Variants in IQCM observed in about 807,000 individuals in gnomAD.
IQCM encodes IQ motif containing M.
IQCM carries 45 observed loss-of-function variants against 57.6 expected under a neutral mutation model. The ratio of observed to expected loss-of-function variants is 0.78; its 90% confidence interval spans 0.62 to 1.00. IQCM has a LOEUF of 1.00. Ranked by LOEUF, IQCM falls within the 50% of genes least tolerant of loss-of-function variation. The probability of loss-of-function intolerance (pLI) is 0.00; values close to 1 mark genes in which losing one functional copy is unlikely to be tolerated. For missense variants in IQCM, 468 were observed against 511.6 expected, an observed-to-expected ratio of 0.91 and a Z score of 0.82; for synonymous variants, 148 against 158.9, an observed-to-expected ratio of 0.93 and a Z score of 0.51.
intron 12 of IQCM, among the ~76,000 whole-genome samples, chr4:149,491,787 G>A (rs1014911322): frequency 6.6e-6 from 1 of 151,962 alleles, no homozygotes; most frequent in Admixed American, 6.6e-5. Context: ...TGAGATTGCT[G>A]GATCATATGG....
chr4:149,534,414 T>C (rs1560960490), intron 12 of IQCM, among the ~76,000 whole-genome samples: 1 of 152,148 alleles, frequency 6.6e-6, no homozygotes, highest in South Asian at 2.1e-4. Flanking sequence ...GCACATGCTA[T>C]GCAAATACGC....
At chr4:149,749,781 T>A (rs1157426092) in intron 2 of IQCM, among the ~76,000 whole-genome samples, 1 of 152,162 alleles carries the variant, frequency 6.6e-6, no homozygotes, top group East Asian at 1.9e-4. Flanking sequence ...ACTACCCTAG[T>A]CATTACAGGT....
At chr4:149,374,348 A>AAACTGC (rs1277071193) in intron 13 of IQCM, among the ~76,000 whole-genome samples, 1 of 152,116 alleles carries the variant, frequency 6.6e-6, no homozygotes, top group African/African-American at 2.4e-5. Context: ...TTCATTGTTT[A>AAACTGC]AACTGCATTA....
chr4:149,567,987 G>A (rs76017578), intron 9 of IQCM, among the ~76,000 whole-genome samples: 2,270 of 152,182 alleles, frequency 0.015, 54 homozygotes, highest in African/African-American at 0.051. Flanking sequence ...ATTTTTAGCC[G>A]TTTAGAGTCT....
At chr4:149,374,754 C>T (rs1447880872) in intron 13 of IQCM, among the ~76,000 whole-genome samples, 2 of 152,108 alleles carry the variant, frequency 1.3e-5, no homozygotes, top group African/African-American at 4.8e-5. Context: ...CTCCTGCCAA[C>T]CTTGACCTTC....
intron 5 of IQCM, among the ~76,000 whole-genome samples, chr4:149,726,809 C>CT (rs1429765448): frequency 4.0e-5 from 6 of 151,066 alleles, no homozygotes; most frequent in Admixed American, 6.6e-5. Flanking sequence ...TACTATATAT[C>CT]TTTTTTTTTC....
chr4:149,690,410 T>C (rs565148040), intron 5 of IQCM, among the ~76,000 whole-genome samples: 145 of 150,374 alleles, frequency 9.6e-4, no homozygotes, highest in Non-Finnish European at 1.6e-3. Flanking sequence ...CAATGGACTT[T>C]GGGGACTTGG....
chr4:149,733,370 T>C lies in IQCM; in HGVS notation c.259A>G (p.Ile87Val). 1 of 1,231,828 alleles carries C rather than the reference T, an allele frequency of 8.1e-7. No individual in the cohort carries two copies. Among genetic ancestry groups the C allele is most frequent in the East Asian group, 3.2e-5 (1 of 31,678 alleles). The allele number at this position is 1,231,828 out of a possible 1,614,324, so 76.3% of individuals were successfully genotyped here. A position where few individuals can be genotyped will look rare whatever the true frequency, so the allele number is the denominator to read the frequency against. ...TTGGAAAGCTCCTTGGGAAAGCAAATCCTTCTGAGTGCGGCCCGATGTTCT... is the reference window on the plus strand; with the variant it reads ...TTGGAAAGCTCCTTGGGAAAGCAAACCCTTCTGAGTGCGGCCCGATGTTCT... ...VQEHRAALRRICFPKELSKSE... is the reference protein window; with the variant it reads ...VQEHRAALRRVCFPKELSKSE... Residue 87 changes from isoleucine (I) to valine (V), a missense_variant, in exon 5 of 14, where the codon ATT becomes GTT. Transcript: ENST00000636793.
At chr4:149,789,560 C>T (rs568943516) in intron 2 of IQCM, among the ~76,000 whole-genome samples, 56 of 152,298 alleles carry the variant, frequency 3.7e-4, no homozygotes, top group African/African-American at 1.3e-3. Context: ...TGGCTCATGT[C>T]TGTCATCCAA....
intron 7 of IQCM, among the ~76,000 whole-genome samples, chr4:149,659,476 A>T (rs1561118656): frequency 1.3e-5 from 2 of 152,178 alleles, no homozygotes; most frequent in Non-Finnish European, 2.9e-5. Context: ...ATTGGAAAAA[A>T]CTACTTTAAG....
At chr4:149,655,928 A>G (rs570123821) in intron 7 of IQCM, among the ~76,000 whole-genome samples, 1 of 152,268 alleles carries the variant, frequency 6.6e-6, no homozygotes, top group African/African-American at 2.4e-5. Context: ...AAATATTCCA[A>G]TTTTATCATC....
chr4:149,468,525 C>T (rs981049935), intron 12 of IQCM, among the ~76,000 whole-genome samples: 1 of 152,198 alleles, frequency 6.6e-6, no homozygotes, highest in Non-Finnish European at 1.5e-5. Flanking sequence ...GGCCTGCATG[C>T]CTCCGTAGAC....
chr4:149,687,544 A>C (rs1326837007), intron 5 of IQCM, among the ~76,000 whole-genome samples: 1 of 151,756 alleles, frequency 6.6e-6, no homozygotes, highest in African/African-American at 2.4e-5. Flanking sequence ...AATTGATGCC[A>C]ATCATTCTGA....
chr4:149,527,124 G>A (rs1056992721), intron 12 of IQCM, among the ~76,000 whole-genome samples: 8 of 152,190 alleles, frequency 5.3e-5, no homozygotes, highest in South Asian at 2.1e-4. Context: ...CATGATTATC[G>A]TTCCCATAAA....
At chr4:149,372,170 A>G (rs1328349602) in intron 13 of IQCM, among the ~76,000 whole-genome samples, 1 of 152,194 alleles carries the variant, frequency 6.6e-6, no homozygotes, top group Non-Finnish European at 1.5e-5. Context: ...TTGACAATCA[A>G]GCCAAGCTTG....
intron 12 of IQCM, among the ~76,000 whole-genome samples, chr4:149,505,901 G>T (rs546534954): frequency 6.6e-6 from 1 of 152,166 alleles, no homozygotes; most frequent in Admixed American, 6.5e-5. Flanking sequence ...GCCTGAAGCC[G>T]TAAGCAGAAG....
intron 7 of IQCM, among the ~76,000 whole-genome samples, chr4:149,622,509 A>T (rs934786418): frequency 1.3e-5 from 2 of 152,106 alleles, no homozygotes; most frequent in African/African-American, 4.8e-5. Flanking sequence ...CGCCCGGCTA[A>T]TTTTTTGTAT....
intron 10 of IQCM, among the ~76,000 whole-genome samples, chr4:149,557,713 G>A (rs1749724468): frequency 6.6e-6 from 1 of 152,032 alleles, no homozygotes; most frequent in Non-Finnish European, 1.5e-5. Context: ...TTCTTCTCCT[G>A]CAACAATGGA....
intron 12 of IQCM, among the ~76,000 whole-genome samples, chr4:149,513,717 C>A (rs1744656893): frequency 6.6e-6 from 1 of 152,008 alleles, no homozygotes; most frequent in Admixed American, 6.6e-5. Context: ...ATGAATGTTA[C>A]CATCATGGCT....
Sources: allele counts gnomAD v4.1 joint callset (sites outside exome capture counted in the v4.1 genomes callset), GRCh38; gene constraint gnomAD v4.1.1; transcripts MANE v1.5; gene names NCBI Gene and HGNC (gene_info 2026-07-23, HGNC 2026-07-21).